Variants in MAST2 observed in about 807,000 individuals in gnomAD.
The protein encoded by MAST2 is microtubule associated serine/threonine kinase 2, also known as microtubule-associated serine/threonine-protein kinase 2.
In MAST2, 70 loss-of-function variants were observed where a neutral mutation model predicts 147.4. That is an observed-to-expected ratio of 0.47 (90% CI 0.39 to 0.58). The LOEUF is 0.58. Among genes scored for constraint, MAST2 ranks in the 20% least tolerant of loss-of-function variants. The pLI is 0.00. For synonymous variants in MAST2, 869 were observed against 896.8 expected, an observed-to-expected ratio of 0.97 and a Z score of 0.55; for missense variants, 2,080 against 2,302.3, an observed-to-expected ratio of 0.90 and a Z score of 1.98.
chr1:45,889,977 T>C (rs1188132791), intron 4 of MAST2, among the ~76,000 whole-genome samples: 1 of 152,128 alleles, frequency 6.6e-6, no homozygotes, highest in African/African-American at 2.4e-5. Context: ...TCTTTTGACC[T>C]CGTGATCCGC....
intron 3 of MAST2, among the ~76,000 whole-genome samples, chr1:45,853,424 G>T (rs6429581): frequency 6.6e-6 from 1 of 151,404 alleles, no homozygotes; most frequent in African/African-American, 2.4e-5. Context: ...GCTCGATCTC[G>T]GCTCACGGCA....
intron 4 of MAST2, among the ~76,000 whole-genome samples, chr1:45,897,421 T>C (rs1648915158): frequency 6.6e-6 from 1 of 152,228 alleles, no homozygotes; most frequent in Admixed American, 6.5e-5. Context: ...TCATCTCTGA[T>C]GTTTCAGCAC....
At chr1:45,923,003 G>A (rs189355849) in intron 4 of MAST2, among the ~76,000 whole-genome samples, 1 of 152,250 alleles carries the variant, frequency 6.6e-6, no homozygotes, top group East Asian at 1.9e-4. Context: ...GCTGTGGGGT[G>A]CCGCTTTCAC....
At position 45,824,454 on chromosome 1, in the gene MAST2, C is replaced by T. The variant is rs762258496; in HGVS notation, c.199C>T (p.Pro67Ser). The T allele has an allele frequency of 2.0e-5, 32 of 1,609,342 alleles. No homozygotes were observed. Among genetic ancestry groups the T allele is most frequent in the African/African-American group, 9.3e-5 (7 of 74,936 alleles). The change falls in exon 2 of 29, where the codon CCC (proline) becomes TCC (serine). Residue 67 changes from proline (P) to serine (S), a missense_variant. Physicochemically the swap from Pro to Ser is moderately conservative, Grantham distance 74. This residue lies in a region of MAST2 where 569 missense variants were observed against 642.5 expected (regional missense o/e 0.89). Coordinates refer to ENST00000361297, the MANE Select transcript of MAST2 (RefSeq NM_015112.3). ...KEQDVVTGVS[P>S]LLFRKLSNPD... ...GAAGGATGTAGTAACTGGAGTTAGT[C>T]CCCTGCTCTTCAGGAAACTCAGTAA...
In MAST2 at chr1:45,984,950, A is replaced by G. The variant is rs1197419817; in HGVS notation, c.593-12774A>G. Among the ~76,000 whole-genome samples the G allele has an allele frequency of 2.0e-5, 3 of 152,240 alleles. No homozygotes were observed. The South Asian group carries it at 6.2e-4, about 31-fold the overall frequency. ...ATGAAAAGGTAAAAAATTTTGTACC[A>G]TGAATATGTAAGGTATTTAATATAT... On this transcript the variant is annotated intron_variant, in intron 5 of 28. Transcript: ENST00000361297.
At chr1:45,861,460 C>T (rs1645979590) in intron 3 of MAST2, among the ~76,000 whole-genome samples, 1 of 150,620 alleles carries the variant, frequency 6.6e-6, no homozygotes, top group Admixed American at 6.6e-5. Flanking sequence ...CCTTGCTCTG[C>T]TGATTTCCTT....
chr1:45,812,321 A>G (rs1166269190), intron 1 of MAST2, among the ~76,000 whole-genome samples: 1 of 152,130 alleles, frequency 6.6e-6, no homozygotes, highest in Non-Finnish European at 1.5e-5. Flanking sequence ...GGTGGCTTGA[A>G]GCAGGTTGGC....
At chr1:45,996,663 C>T (rs1375889028) in intron 5 of MAST2, among the ~76,000 whole-genome samples, 4 of 152,078 alleles carry the variant, frequency 2.6e-5, no homozygotes, top group African/African-American at 9.7e-5. Flanking sequence ...ATAATTGATA[C>T]AGAGGTGCTG....
rs1480574829 is a variant in MAST2, at chr1:45,940,567, C to T, written c.501-18819C>T. On this transcript the variant is annotated intron_variant, in intron 4 of 28. Coordinates refer to ENST00000361297, the MANE Select transcript of MAST2 (RefSeq NM_015112.3). ...AAACAGAAATGTAATTTCGGGCATA[C>T]AAACAGAGTAGAGTAGTCTTCAGTG... 2.0e-5 allele frequency among the ~76,000 whole-genome samples: 3 copies of T among 150,492 alleles called. No homozygotes were observed. The East Asian group carries it at 5.8e-4, about 29-fold the overall frequency.
At chr1:45,957,486 A>G (rs1659814302) in intron 4 of MAST2, among the ~76,000 whole-genome samples, 2 of 152,200 alleles carry the variant, frequency 1.3e-5, no homozygotes, top group African/African-American at 2.4e-5. Context: ...TTTGTTTTCT[A>G]ATTGGCCCAA....
chr1:45,901,787 A>T (rs1026126555), intron 4 of MAST2, among the ~76,000 whole-genome samples: 1 of 152,064 alleles, frequency 6.6e-6, no homozygotes, highest in South Asian at 2.1e-4. Flanking sequence ...CTGAGCTTGA[A>T]TGTTGGTATA....
chr1:45,926,263 A>T (rs1466955997), intron 4 of MAST2, among the ~76,000 whole-genome samples: 4 of 152,224 alleles, frequency 2.6e-5, no homozygotes, highest in Admixed American at 6.5e-5. Context: ...CAGTACATCT[A>T]CAATTGTTTA....
chr1:46,035,071 G>C lies in MAST2; in HGVS notation c.4402G>C (p.Gly1468Arg), dbSNP rs774321547. The change falls in exon 29 of 29, where the codon GGG becomes CGG. Residue 1468 changes from glycine to arginine, a missense_variant. Gly to Arg is a moderately radical substitution (Grantham distance 125). Around this residue, in one of 4 missense-constraint regions of MAST2, gnomAD observed 1,278 missense variants for 1,304.2 expected, o/e 0.98. Coordinates refer to ENST00000361297, the MANE Select transcript of MAST2 (RefSeq NM_015112.3). This position sits in a 1 kb window ranked among gnomAD's most constrained non-coding sequence, Gnocchi z 5.5. ...LSGKGALPGK[G>R]VLQPAPSRAL... is the part of the protein sequence containing the mutation. Reference sequence around the variant, plus strand: ...TGGCAAGGGGGCCCTGCCAGGGAAGGGGGTGCTGCAGCCTGCTCCCTCACG... The same window carrying C: ...TGGCAAGGGGGCCCTGCCAGGGAAGCGGGTGCTGCAGCCTGCTCCCTCACG... 3 of 1,613,686 alleles carry C rather than the reference G, an allele frequency of 1.9e-6. No individual in the cohort carries two copies. The highest frequency in any genetic ancestry group is 3.3e-5 in the Admixed American group (2 of 59,998).
At chr1:45,877,971 A>C (rs1257185317) in intron 3 of MAST2, among the ~76,000 whole-genome samples, 1 of 152,212 alleles carries the variant, frequency 6.6e-6, no homozygotes, top group Non-Finnish European at 1.5e-5. Flanking sequence ...TGAGAGACCA[A>C]GGCGGGTGGA....
chr1:46,025,895 T>C, intron 16 of MAST2, 80 bp downstream of exon 16: 1 of 1,560,902 alleles, frequency 6.4e-7, no homozygotes, highest in Non-Finnish European at 8.8e-7. Context: ...ACAGTAGCTC[T>C]AAATCTATCC....
Position 46,006,378 on chromosome 1 carries a change from T to C in MAST2, c.885T>C (p.Pro295=). The change falls in exon 8 of 29, where the codon CCT becomes CCC. Residue 295 remains proline (P), a synonymous_variant. Transcript: ENST00000361297. ...EEGRQSPAMR[P]RSRSLSPGRS... ...GACGGCAGTCCCCAGCCATGCGGCC[T>C]CGCTCCCGGAGCCTCAGGTGAGGGT... is the stretch of plus-strand genomic sequence containing the variant. 6.2e-7 allele frequency: 1 copy of C among 1,613,152 alleles called. No individual in the cohort carries two copies. The highest frequency in any genetic ancestry group is 1.1e-5 in the South Asian group (1 of 90,792).
chr1:45,980,789 G>A (rs971646325), intron 5 of MAST2, among the ~76,000 whole-genome samples: 1 of 152,048 alleles, frequency 6.6e-6, no homozygotes, highest in African/African-American at 2.4e-5. Flanking sequence ...TCCTGCCTTG[G>A]CCTCCCAAAG....
intron 4 of MAST2, among the ~76,000 whole-genome samples, chr1:45,918,131 G>A (rs1245908757): frequency 6.6e-6 from 1 of 152,190 alleles, no homozygotes; most frequent in Non-Finnish European, 1.5e-5. Flanking sequence ...GATAGACAGT[G>A]CTTCTGAGAA....
intron 3 of MAST2, among the ~76,000 whole-genome samples, chr1:45,852,503 A>G (rs1455484493): frequency 3.3e-5 from 5 of 150,328 alleles, no homozygotes; most frequent in Non-Finnish European, 7.4e-5. Context: ...CTGGGATCAC[A>G]GGCACAAGCC....
Sources: allele counts gnomAD v4.1 joint callset (sites outside exome capture counted in the v4.1 genomes callset), GRCh38; gene constraint gnomAD v4.1.1; regional missense constraint gnomAD v4.1.1; non-coding constraint Gnocchi (gnomAD v3.1); transcripts MANE v1.5; gene names NCBI Gene and HGNC (gene_info 2026-07-23, HGNC 2026-07-21).